SCAND3: variants seen among roughly 807,000 people sequenced by gnomAD.
SCAND3 encodes SCAN domain containing 3.
chr6:28,592,489 T>C, the SCAND3 span, among the ~76,000 whole-genome samples: 1 of 152,294 alleles, frequency 6.6e-6, no homozygotes, highest in Non-Finnish European at 1.5e-5. The surrounding 1 kb of genome is among the most constrained non-coding windows in gnomAD (Gnocchi z 4.1). Flanking sequence ...ATCGTTAAAA[T>C]GTCTACACTA....
At chr6:28,597,407 C>T in the SCAND3 span, among the ~76,000 whole-genome samples, 2 of 152,220 alleles carry the variant, frequency 1.3e-5, no homozygotes, top group African/African-American at 4.8e-5. Flanking sequence ...GCCTTAACCA[C>T]TCGGCCACCT....
At chr6:28,607,086 A>G in the SCAND3 span, among the ~76,000 whole-genome samples, 1 of 152,232 alleles carries the variant, frequency 6.6e-6, no homozygotes, top group Non-Finnish European at 1.5e-5. Flanking sequence ...ATTTCATTGC[A>G]ATTTACCGAA....
At chr6:28,574,681 G>A in the SCAND3 span, 1 of 1,613,810 alleles carries the variant, frequency 6.2e-7, no homozygotes, top group Admixed American at 1.7e-5. Context: ...TGGTGTCCCT[G>A]ATGGCTTTAG....
At chr6:28,576,889 C>T in the SCAND3 span, among the ~76,000 whole-genome samples, 13 of 146,416 alleles carry the variant, frequency 8.9e-5, no homozygotes, top group African/African-American at 3.1e-4. Context: ...GGATTACAGG[C>T]GTGAGCCACC....
chr6:28,607,113 A>T, the SCAND3 span, among the ~76,000 whole-genome samples: 1 of 152,198 alleles, frequency 6.6e-6, no homozygotes, highest in Non-Finnish European at 1.5e-5. Context: ...AGAAATACTG[A>T]TTATAAATCA....
the SCAND3 span, among the ~76,000 whole-genome samples, chr6:28,613,989 G>A: frequency 1.8e-4 from 27 of 149,044 alleles, no homozygotes; most frequent in Admixed American, 1.3e-3. Context: ...TTTAGATGGA[G>A]TTTCGCTCTT....
chr6:28,592,024 T>C, the SCAND3 span, among the ~76,000 whole-genome samples: 1 of 152,288 alleles, frequency 6.6e-6, no homozygotes, highest in East Asian at 1.9e-4. This position sits in a 1 kb window ranked among gnomAD's most constrained non-coding sequence, Gnocchi z 4.1. Context: ...TATCCATAGA[T>C]ACGGAAAAAG....
the SCAND3 span, chr6:28,575,216 C>A: frequency 4.3e-6 from 7 of 1,613,928 alleles, no homozygotes; most frequent in Non-Finnish European, 5.1e-6. The surrounding 1 kb of genome is among the most constrained non-coding windows in gnomAD (Gnocchi z 4.2). Context: ...CACAAAAATT[C>A]AGTCCAGTGT....
the SCAND3 span, among the ~76,000 whole-genome samples, chr6:28,581,535 T>C: frequency 2.0e-5 from 3 of 152,226 alleles, no homozygotes; most frequent in Non-Finnish European, 4.4e-5. Context: ...AACTCATTTA[T>C]CTAACAGTTT....
chr6:28,578,352 T>C, the SCAND3 span, among the ~76,000 whole-genome samples: 1 of 152,204 alleles, frequency 6.6e-6, no homozygotes, highest in Non-Finnish European at 1.5e-5. Context: ...GTTTTTTCTT[T>C]AACTGTTTTA....
the SCAND3 span, among the ~76,000 whole-genome samples, chr6:28,600,174 G>A: frequency 0.012 from 1,836 of 150,380 alleles, 21 homozygotes; most frequent in South Asian, 0.018. Context: ...GAAATACACC[G>A]TTAAGGGAAT....
At chr6:28,571,737 T>C in the SCAND3 span, 2 of 580,118 alleles carry the variant, frequency 3.4e-6, no homozygotes, top group East Asian at 3.3e-5. Flanking sequence ...ACATTCTTAA[T>C]TGAAAATATA....
chr6:28,589,042 A>G, the SCAND3 span, among the ~76,000 whole-genome samples: 1 of 152,218 alleles, frequency 6.6e-6, no homozygotes, highest in Non-Finnish European at 1.5e-5. Context: ...CAGATACATC[A>G]TACAGGCCTT....
the SCAND3 span, chr6:28,572,943 T>A: frequency 1.9e-6 from 3 of 1,614,034 alleles, no homozygotes; most frequent in Non-Finnish European, 2.5e-6. The surrounding 1 kb of genome is among the most constrained non-coding windows in gnomAD (Gnocchi z 4.1). Context: ...GGGTTACCAC[T>A]TCAGAATGTT....
At chr6:28,571,759 T>C in the SCAND3 span, 2 of 847,788 alleles carry the variant, frequency 2.4e-6, no homozygotes, top group Non-Finnish European at 1.7e-6. Flanking sequence ...ATATAGGCAA[T>C]TTATATAGAA....
the SCAND3 span, among the ~76,000 whole-genome samples, chr6:28,578,809 C>T: frequency 6.6e-6 from 1 of 152,146 alleles, no homozygotes; most frequent in Non-Finnish European, 1.5e-5. Flanking sequence ...AGGCCAGACT[C>T]CACCTCTACT....
the SCAND3 span, among the ~76,000 whole-genome samples, chr6:28,583,853 T>C: frequency 2.0e-5 from 3 of 152,226 alleles, no homozygotes; most frequent in Non-Finnish European, 4.4e-5. Flanking sequence ...CTTGCAGCTC[T>C]TCTGTAGAAA....
chr6:28,599,264 C>T, the SCAND3 span, among the ~76,000 whole-genome samples: 1 of 152,148 alleles, frequency 6.6e-6, no homozygotes, highest in African/African-American at 2.4e-5. Context: ...CAACACAATC[C>T]TAATGAAAAC....
At chr6:28,580,036 G>A in the SCAND3 span, among the ~76,000 whole-genome samples, 25 of 152,274 alleles carry the variant, frequency 1.6e-4, no homozygotes, top group Admixed American at 1.6e-3. Flanking sequence ...TATTCTAAAA[G>A]GGAATATCCA....
Sources: allele counts gnomAD v4.1 joint callset (sites outside exome capture counted in the v4.1 genomes callset), GRCh38; gene constraint gnomAD v4.1.1; non-coding constraint Gnocchi (gnomAD v3.1); transcripts MANE v1.5; gene names NCBI Gene and HGNC (gene_info 2026-07-23, HGNC 2026-07-21).